VPS8: variants seen among roughly 807,000 people sequenced by gnomAD.
VPS8 encodes VPS8 subunit of CORVET complex.
In VPS8, 129 loss-of-function variants were observed where a neutral mutation model predicts 216.4. That is an observed-to-expected ratio of 0.60 (90% CI 0.52 to 0.69). VPS8 has a LOEUF of 0.69. Ranked by LOEUF, VPS8 falls within the 30% of genes least tolerant of loss-of-function variation. The pLI is 0.00. For synonymous variants in VPS8, 571 were observed against 565.4 expected, an observed-to-expected ratio of 1.01 and a Z score of -0.14; for missense variants, 1,531 against 1,683.5, an observed-to-expected ratio of 0.91 and a Z score of 1.59.
chr3:184,817,047 A>ACATAAAACATCT (rs1476752347), intron 1 of VPS8, among the ~76,000 whole-genome samples: 76 of 152,328 alleles, frequency 5.0e-4, no homozygotes, highest in African/African-American at 1.6e-3. Context: ...ACGTAAAAGA[A>ACATAAAACATCT]CATAAAACAT....
At chr3:184,985,028 T>G (rs2109781290) in intron 42 of VPS8, among the ~76,000 whole-genome samples, 1 of 152,336 alleles carries the variant, frequency 6.6e-6, no homozygotes, top group East Asian at 1.9e-4. Context: ...TTTCAATGGT[T>G]GTTAACTCCC....
At chr3:184,920,235 T>C (rs1738369687) in intron 29 of VPS8, 37 bp downstream of exon 29, 2 of 1,351,582 alleles carry the variant, frequency 1.5e-6, no homozygotes, top group Non-Finnish European at 2.0e-6. Context: ...TATATTGATA[T>C]TTATATTAAG....
intron 45 of VPS8, among the ~76,000 whole-genome samples, chr3:185,012,768 C>T (rs1244858051): frequency 6.6e-6 from 1 of 152,126 alleles, no homozygotes; most frequent in African/African-American, 2.4e-5. Flanking sequence ...CCAAGACCAG[C>T]TAAGTCATGG....
chr3:184,991,365 G>A (rs2109831394), intron 42 of VPS8, among the ~76,000 whole-genome samples: 1 of 152,326 alleles, frequency 6.6e-6, no homozygotes, highest in East Asian at 1.9e-4. Context: ...AAAATAATTT[G>A]AAGAGCTAGT....
intron 35 of VPS8, among the ~76,000 whole-genome samples, chr3:184,937,405 A>G (rs1692195211): frequency 1.3e-5 from 2 of 152,210 alleles, no homozygotes; most frequent in Non-Finnish European, 1.5e-5. Context: ...CATGAGAGAC[A>G]AAAATATGGA....
chr3:184,863,644 A>T (rs912209953), intron 16 of VPS8, among the ~76,000 whole-genome samples: 3 of 152,236 alleles, frequency 2.0e-5, no homozygotes, highest in Non-Finnish European at 4.4e-5. Flanking sequence ...ATTTTATTGT[A>T]TCATTAAGCA....
intron 46 of VPS8, among the ~76,000 whole-genome samples, chr3:185,038,910 A>G (rs1048681403): frequency 2.0e-5 from 3 of 152,198 alleles, no homozygotes; most frequent in Non-Finnish European, 4.4e-5. Flanking sequence ...CCTCCAGGGT[A>G]GAGCTTCCAT....
chr3:184,894,869 G>T lies in VPS8; in HGVS notation c.1948G>T (p.Glu650Ter), dbSNP rs1210436013. The stretch of plus-strand genomic sequence containing the variant: ...TCATTTCCAAGATAAAAAATTAATG[G>T]AAAATGTGGAAGCGCTCATTGTACA... ...IVHFQDKKLM[E>*]NVEALIVHMD... The change falls in exon 23 of 48, where the codon GAA becomes TAA. Residue 650 changes from glutamate to a stop codon, truncating the protein, a stop_gained. Transcript: ENST00000625842. LOFTEE classifies it high-confidence loss of function. 1 of 1,609,674 alleles carries T rather than the reference G, an allele frequency of 6.2e-7. No homozygotes were observed. Among genetic ancestry groups the T allele is most frequent in the Admixed American group, 1.7e-5 (1 of 59,622 alleles).
chr3:185,030,321 A>G (rs1757937631), intron 46 of VPS8, among the ~76,000 whole-genome samples: 1 of 152,166 alleles, frequency 6.6e-6, no homozygotes, highest in Non-Finnish European at 1.5e-5. Context: ...TAGAGAAAGC[A>G]TTTTGTCTTG....
chr3:184,972,558 A>C (rs1020948373), intron 40 of VPS8, among the ~76,000 whole-genome samples: 8 of 152,222 alleles, frequency 5.3e-5, no homozygotes, highest in Admixed American at 2.6e-4. Context: ...GCTGCACCCC[A>C]GATCAATTAA....
intron 39 of VPS8, among the ~76,000 whole-genome samples, chr3:184,967,752 G>T (rs1304681961): frequency 1.3e-5 from 2 of 151,582 alleles, no homozygotes; most frequent in Non-Finnish European, 2.9e-5. Flanking sequence ...CAGGACAATT[G>T]CTTGAACCTG....
At chr3:185,004,362 C>T (rs891326920) in intron 45 of VPS8, among the ~76,000 whole-genome samples, 1 of 152,156 alleles carries the variant, frequency 6.6e-6, no homozygotes, top group Non-Finnish European at 1.5e-5. Flanking sequence ...CGCCCGCAAT[C>T]GCAGGCACTC....
intron 28 of VPS8, among the ~76,000 whole-genome samples, chr3:184,918,439 A>G (rs373794878): frequency 6.6e-6 from 1 of 152,310 alleles, no homozygotes; most frequent in African/African-American, 2.4e-5. Flanking sequence ...TCCTCTAGTA[A>G]ACATCCATAA....
At chr3:184,877,414 G>T (rs761770780) in intron 21 of VPS8, among the ~76,000 whole-genome samples, 1 of 152,182 alleles carries the variant, frequency 6.6e-6, no homozygotes, top group African/African-American at 2.4e-5. Flanking sequence ...AACTTATGTT[G>T]TAGAGCTTGC....
At chr3:184,988,778 A>T (rs1373468388) in intron 42 of VPS8, among the ~76,000 whole-genome samples, 2 of 152,358 alleles carry the variant, frequency 1.3e-5, no homozygotes, top group South Asian at 4.1e-4. Flanking sequence ...CTTTCTGTTC[A>T]TGAACATGAA....
chr3:184,880,080 G>GT lies in VPS8; in HGVS notation c.1735-6023dup, dbSNP rs1227319517. 2.0e-5 allele frequency among the ~76,000 whole-genome samples: 3 copies of GT among 151,970 alleles called. 1 individual carries two copies. Among genetic ancestry groups the GT allele is most frequent in the Admixed American group, 2.0e-4 (3 of 15,256 alleles). ...CAGGCATAAAAAGTATGTGTATTTG[G>GT]TTTTTTTAAAATTAGTGATTTTGTG... On this transcript the variant is annotated intron_variant, in intron 21 of 47. Coordinates refer to ENST00000625842, the MANE Select transcript of VPS8 (RefSeq NM_001009921.3).
intron 46 of VPS8, among the ~76,000 whole-genome samples, chr3:185,038,226 C>T (rs1214233409): frequency 6.6e-6 from 1 of 152,146 alleles, no homozygotes; most frequent in African/African-American, 2.4e-5. Flanking sequence ...CTGCAGTCAC[C>T]CTGGAATGAC....
At chr3:184,854,091 G>A in intron 12 of VPS8, 23 bp from the exon 13 acceptor site, 1 of 1,613,492 alleles carries the variant, frequency 6.2e-7, no homozygotes, top group South Asian at 1.1e-5. Flanking sequence ...GGTCAATATT[G>A]AAAACATATT....
chr3:184,832,755 TCTCA>T lies in VPS8; in HGVS notation c.293_296del (p.His98ProfsTer18). 1 of 1,609,390 alleles carries T rather than the reference TCTCA, an allele frequency of 6.2e-7. No homozygotes were observed. The highest frequency in any genetic ancestry group is 8.5e-7 in the Non-Finnish European group (1 of 1,177,450). ...ATTGTTAAACATTGATACTATTGAT[TCTCA>T]CTCCTATGATACTTCATCTGTGGCA... On this transcript the variant is annotated frameshift_variant, in exon 4 of 48. Coordinates refer to ENST00000625842, the MANE Select transcript of VPS8 (RefSeq NM_001009921.3). LOFTEE classifies it high-confidence loss of function.
Sources: gnomAD v4.1 joint callset for allele counts (sites outside exome capture counted in the v4.1 genomes callset) on GRCh38, gnomAD v4.1.1 for gene constraint, MANE v1.5 for transcripts, NCBI Gene and HGNC (gene_info 2026-07-23, HGNC 2026-07-21) for gene names.